Variants in AP2A2 observed in about 807,000 individuals in gnomAD.
The protein encoded by AP2A2 is adaptor related protein complex 2 subunit alpha 2, also known as AP-2 complex subunit alpha-2.
A neutral mutation model predicts 104.2 loss-of-function variants in AP2A2; 32 were observed. The ratio of observed to expected loss-of-function variants is 0.31; its 90% CI spans 0.23 to 0.41. AP2A2 has a LOEUF of 0.41. Ranked by LOEUF, AP2A2 falls within the 10% of genes least tolerant of loss-of-function variation. The probability of loss-of-function intolerance (pLI) is 1.00; values close to 1 mark genes in which losing one functional copy is unlikely to be tolerated. For synonymous variants in AP2A2, 539 were observed against 533.3 expected (o/e 1.01, Z -0.15); for missense variants, 912 against 1,261.0 (o/e 0.72, Z 4.19).
At chr11:983,793 C>T (rs1257402730) in intron 6 of AP2A2, among the ~76,000 whole-genome samples, 5 of 152,182 alleles carry the variant, frequency 3.3e-5, no homozygotes, top group African/African-American at 4.8e-5. Context: ...GCCTTAGGTG[C>T]GTACTTGTTT....
At chr11:996,895 C>T (rs895581371) in intron 14 of AP2A2, among the ~76,000 whole-genome samples, 8 of 102,288 alleles carry the variant, frequency 7.8e-5, no homozygotes, top group South Asian at 2.7e-4. Context: ...GGTGTGTGGG[C>T]GCCTCCGTCC....
chr11:971,264 G>A (rs1224656003), intron 3 of AP2A2, among the ~76,000 whole-genome samples: 1 of 151,972 alleles, frequency 6.6e-6, no homozygotes, highest in Non-Finnish European at 1.5e-5. Context: ...GGAGGTGGGT[G>A]TGTTGAGCTG....
At chr11:1,007,828 G>T in intron 17 of AP2A2, 184 bp from the exon 18 acceptor site, 1 of 742,786 alleles carries the variant, frequency 1.3e-6, no homozygotes, top group East Asian at 2.7e-5. Context: ...GAAGCAGACA[G>T]TGTTTTGAGG....
chr11:991,163 G>A (rs1350471678), intron 10 of AP2A2, among the ~76,000 whole-genome samples: 2 of 152,258 alleles, frequency 1.3e-5, no homozygotes, highest in Admixed American at 1.3e-4. Context: ...TTTCAGCCGG[G>A]CATGGTGTTT....
chr11:1,011,295 A>C lies in AP2A2; in HGVS notation c.*670A>C, dbSNP rs748928300. The stretch of plus-strand genomic sequence containing the variant: ...GCTCCTGCAGTCGCCGAGGCCTTGG[A>C]TGTGCAGCCAGGGGAGGAGCGTCCT... On this transcript the variant is annotated 3_prime_UTR_variant, in exon 22 of 22. Coordinates refer to ENST00000448903, the MANE Select transcript of AP2A2 (RefSeq NM_012305.4). 1.9e-6 allele frequency: 1 copy of C among 518,808 alleles called. No homozygotes were observed. The highest frequency in any genetic ancestry group is 3.8e-6 in the Non-Finnish European group (1 of 259,838). The allele number at this position is 518,808 out of a possible 1,614,324, so 32.1% of individuals were successfully genotyped here. A position where few individuals can be genotyped will look rare whatever the true frequency, so the allele number is the denominator to read the frequency against.
chr11:995,636 G>A (rs541005499), intron 14 of AP2A2, among the ~76,000 whole-genome samples: 93 of 149,602 alleles, frequency 6.2e-4, no homozygotes, highest in African/African-American at 2.1e-3. Flanking sequence ...TATGTGCCCC[G>A]GCTGACCATG....
chr11:965,286 A>G (rs1262930075), intron 2 of AP2A2, among the ~76,000 whole-genome samples: 6 of 152,270 alleles, frequency 3.9e-5, no homozygotes, highest in African/African-American at 1.4e-4. Context: ...GGAGGTGGAA[A>G]GAATGGAATG....
intron 5 of AP2A2, among the ~76,000 whole-genome samples, chr11:980,809 C>T (rs910768684): frequency 6.6e-6 from 1 of 152,174 alleles, no homozygotes; most frequent in African/African-American, 2.4e-5. Context: ...GTAGCGTCTC[C>T]CTCTACAGTG....
intron 14 of AP2A2, among the ~76,000 whole-genome samples, chr11:998,198 G>A (rs1414020548): frequency 6.6e-6 from 1 of 152,192 alleles, no homozygotes; most frequent in Non-Finnish European, 1.5e-5. Flanking sequence ...GCTCCTCTGT[G>A]ACCTCCCACC....
intron 7 of AP2A2, 50 bp downstream of exon 7, chr11:984,803 C>T (rs1219545712): frequency 3.6e-6 from 5 of 1,406,530 alleles, no homozygotes. Context: ...CAGTCTGATT[C>T]CCTGTCTCAG....
intron 14 of AP2A2, chr11:996,278 A>G (rs1855855111): frequency 6.6e-6 from 1 of 152,456 alleles, no homozygotes; most frequent in East Asian, 1.9e-4. Flanking sequence ...GTGTGCAGGG[A>G]TTCCTGGAGG....
At chr11:985,340 A>G in intron 7 of AP2A2, 95 bp from the exon 8 acceptor site, 1 of 1,451,154 alleles carries the variant, frequency 6.9e-7, no homozygotes, top group Admixed American at 2.2e-5. Context: ...AACTATATTA[A>G]AAATGCTCTC....
intron 4 of AP2A2, among the ~76,000 whole-genome samples, chr11:974,214 G>C (rs1854935657): frequency 6.6e-6 from 1 of 151,546 alleles, no homozygotes; most frequent in Non-Finnish European, 1.5e-5. Flanking sequence ...TGGTGCCTGA[G>C]TGGTCCCATG....
chr11:989,483 T>C (rs778869551), intron 10 of AP2A2, among the ~76,000 whole-genome samples: 5 of 152,236 alleles, frequency 3.3e-5, no homozygotes, highest in Non-Finnish European at 7.3e-5. Flanking sequence ...CAAAATTCTT[T>C]TAATTGTGTT....
chr11:938,249 T>C (rs1354287486), intron 1 of AP2A2, among the ~76,000 whole-genome samples: 1 of 152,210 alleles, frequency 6.6e-6, no homozygotes, highest in Non-Finnish European at 1.5e-5. Flanking sequence ...CGACCCTCCC[T>C]GTGGCTTCTC....
Position 993,847 on chromosome 11 carries a change from G to A in AP2A2, c.1644G>A (p.Val548=). Residue 548 remains valine (V), a synonymous_variant, in exon 13 of 22, where the codon GTG becomes GTA. Coordinates refer to ENST00000448903, the MANE Select transcript of AP2A2 (RefSeq NM_012305.4). The surrounding 1 kb of genome is among the most constrained non-coding windows in gnomAD (Gnocchi z 8.2). The part of the protein sequence containing the change: ...ALLLSTYIKF[V]NLFPEVKPTI... ...TCCTGTCCACCTACATCAAGTTCGT[G>A]AACCTCTTCCCGGAGGTGAAGCCCA... 6.2e-7 allele frequency: 1 copy of A among 1,609,512 alleles called. No individual in the cohort carries two copies. The highest frequency in any genetic ancestry group is 8.5e-7 in the Non-Finnish European group (1 of 1,179,704).
At chr11:1,003,846 A>C in intron 16 of AP2A2, 42 bp downstream of exon 16, 7 of 1,344,978 alleles carry the variant, frequency 5.2e-6, no homozygotes, top group Non-Finnish European at 7.3e-6. Flanking sequence ...TCTTAGAAAT[A>C]TGGGAAATTA....
Position 993,122 on chromosome 11 carries a change from G to T in AP2A2, c.1453-162G>T, listed in dbSNP as rs2133740800. Among the ~76,000 whole-genome samples, 1 of 152,326 alleles carries T rather than the reference G, an allele frequency of 6.6e-6. No individual in the cohort carries two copies. Among genetic ancestry groups the T allele is most frequent in the African/African-American group, 2.4e-5 (1 of 41,596 alleles). The stretch of plus-strand genomic sequence containing the variant: ...CTTGGGTTCCTTGCTGCTGACACAG[G>T]TACTGAGGGTGCTGAGGAAGGCAGG... On this transcript the variant is annotated intron_variant, in intron 11 of 21. Transcript: ENST00000448903. This position sits in a 1 kb window ranked among gnomAD's most constrained non-coding sequence, Gnocchi z 8.2.
Position 926,031 on chromosome 11 carries a change from G to T in AP2A2, c.10G>T (p.Val4Leu). Residue 4 changes from valine to leucine, a missense_variant, in exon 1 of 22, where the codon GTG (valine) becomes TTG (leucine). Around this residue, in one of 7 missense-constraint regions of AP2A2, gnomAD observed 43 missense variants for 47.0 expected, o/e 0.91. Transcript: ENST00000448903. MPA[V>L]SKGDGMRGLA... ...TCCCGAGCGTCGGAAGATGCCGGCCGTGTCCAAGGGGGACGGGATGCGGGG... is the reference window on the plus strand; with the variant it reads ...TCCCGAGCGTCGGAAGATGCCGGCCTTGTCCAAGGGGGACGGGATGCGGGG... The T allele has an allele frequency of 7.2e-7, 1 of 1,394,870 alleles. No individual in the cohort carries two copies. 86.4% of individuals were successfully genotyped at this position (1,394,870 alleles called of 1,614,324 possible). A position where few individuals can be genotyped will look rare whatever the true frequency, so the allele number is the denominator to read the frequency against.
Sources: gnomAD v4.1 joint callset for allele counts (sites outside exome capture counted in the v4.1 genomes callset) on GRCh38, gnomAD v4.1.1 for gene constraint, gnomAD v4.1.1 regional missense constraint, Gnocchi (gnomAD v3.1) non-coding constraint, MANE v1.5 for transcripts, NCBI Gene and HGNC (gene_info 2026-07-23, HGNC 2026-07-21) for gene names.